Variants in FGF12 observed in about 807,000 individuals in gnomAD.
FGF12 encodes the protein fibroblast growth factor 12.
FGF12 carries 14 observed loss-of-function variants against 23.6 expected under a neutral mutation model. The ratio of observed to expected loss-of-function variants is 0.59; its 90% CI spans 0.39 to 0.93. The LOEUF (loss-of-function observed/expected upper bound fraction) is 0.93, where lower values mean the gene tolerates loss of function less well. Ranked by LOEUF, FGF12 falls within the 40% of genes least tolerant of loss-of-function variation. The pLI is 0.00. For missense variants in FGF12, 175 were observed against 217.8 expected (o/e 0.80, Z 1.24); for synonymous variants, 62 against 77.3 (o/e 0.80, Z 1.04).
intron 2 of FGF12, among the ~76,000 whole-genome samples, chr3:192,509,601 T>C (rs1224020011): frequency 1.3e-5 from 2 of 152,184 alleles, no homozygotes; most frequent in East Asian, 3.9e-4. Flanking sequence ...GAAAGAATAA[T>C]CTCAAAGTTC....
chr3:192,320,961 G>C (rs532729411), intron 4 of FGF12, among the ~76,000 whole-genome samples: 1 of 151,980 alleles, frequency 6.6e-6, no homozygotes, highest in East Asian at 1.9e-4. Flanking sequence ...ATAAAGACCA[G>C]AGCAGTAGTA....
intron 4 of FGF12, among the ~76,000 whole-genome samples, chr3:192,172,160 A>ATTTTTTCCTAGGACTAATAAAGTATTTTT (rs1432968717): frequency 1.3e-5 from 2 of 151,552 alleles, no homozygotes; most frequent in Admixed American, 6.6e-5. Context: ...AGGTTGAGGT[A>ATTTTTTCCTAGGACTAATAAAGTATTTTT]AGCAGATCAT....
chr3:192,320,936 A>G lies in FGF12; in HGVS notation c.228+14425T>C, dbSNP rs563917245. On this transcript the variant is annotated intron_variant, in intron 4 of 5. Transcript: ENST00000445105. ...AGAGCAAATCAAACCCAAAATTAGG[A>G]GAAGAAAATAAATAATAAAGACCAG... Among the ~76,000 whole-genome samples, 19 of 152,180 alleles carry G rather than the reference A, an allele frequency of 1.2e-4. No homozygotes were observed. In the East Asian group the frequency reaches 3.3e-3, roughly 26 times the overall value.
At chr3:192,149,315 C>CTT (rs143433495) in intron 5 of FGF12, among the ~76,000 whole-genome samples, 45,848 of 151,358 alleles carry the variant, frequency 0.3, 7,473 homozygotes, top group South Asian at 0.43. Context: ...GCATTTGAAC[C>CTT]TTTTTTTTAT....
chr3:192,653,631 A>G (rs1289477485), intron 2 of FGF12, among the ~76,000 whole-genome samples: 4 of 152,184 alleles, frequency 2.6e-5, no homozygotes, highest in Non-Finnish European at 4.4e-5. Context: ...TGAAGCAAAT[A>G]ATTTCTAATT....
intron 2 of FGF12, among the ~76,000 whole-genome samples, chr3:192,606,650 T>A (rs544891171): frequency 6.6e-6 from 1 of 152,278 alleles, no homozygotes; most frequent in South Asian, 2.1e-4. Flanking sequence ...TCACAGAGAA[T>A]CTTGTAACAT....
intron 2 of FGF12, among the ~76,000 whole-genome samples, chr3:192,590,035 T>A (rs2108621387): frequency 6.6e-6 from 1 of 151,934 alleles, no homozygotes; most frequent in African/African-American, 2.4e-5. Context: ...AGATTTTTTT[T>A]AATTGCTCAA....
At chr3:192,330,222 C>A (rs1717036420) in intron 4 of FGF12, among the ~76,000 whole-genome samples, 1 of 152,118 alleles carries the variant, frequency 6.6e-6, no homozygotes, top group Non-Finnish European at 1.5e-5. Flanking sequence ...ATAGAAAACT[C>A]CATTCCAAAA....
At chr3:192,577,054 G>A (rs754551915) in intron 2 of FGF12, among the ~76,000 whole-genome samples, 21 of 152,204 alleles carry the variant, frequency 1.4e-4, no homozygotes, top group East Asian at 7.7e-4. Flanking sequence ...AGGGCCTGTC[G>A]GCGGGTGGGG....
rs1224600983 is a variant in FGF12, at chr3:192,345,838, A to T, written c.125-10374T>A. 2.0e-5 allele frequency among the ~76,000 whole-genome samples: 3 copies of T among 152,176 alleles called. No homozygotes were observed. In the South Asian group the frequency reaches 6.2e-4, roughly 31 times the overall value. ...AGTAGAACCATCCTGCTCAAAAGGT[A>T]AAAAATCTTTAGTTTTTCTTAGATA... On this transcript the variant is annotated intron_variant, in intron 3 of 5. Transcript: ENST00000445105.
At chr3:192,629,250 C>T (rs1715297160) in intron 2 of FGF12, among the ~76,000 whole-genome samples, 1 of 152,134 alleles carries the variant, frequency 6.6e-6, no homozygotes, top group Non-Finnish European at 1.5e-5. Flanking sequence ...CCAAAAGTAA[C>T]CCACTGAACA....
At chr3:192,379,078 GACACGATTTAAATT>G (rs1198575819) in intron 2 of FGF12, among the ~76,000 whole-genome samples, 1 of 152,114 alleles carries the variant, frequency 6.6e-6, no homozygotes, top group Non-Finnish European at 1.5e-5. Context: ...TCCTGCTAAA[GACACGATTTAAATT>G]TTTTCTGGCT....
At chr3:192,364,571 T>A (rs1718886198) in intron 2 of FGF12, among the ~76,000 whole-genome samples, 1 of 152,124 alleles carries the variant, frequency 6.6e-6, no homozygotes, top group Non-Finnish European at 1.5e-5. Flanking sequence ...TAAGTGGAAG[T>A]GATGTGTGCC....
chr3:192,290,030 C>A (rs1714671688), intron 4 of FGF12, among the ~76,000 whole-genome samples: 1 of 152,102 alleles, frequency 6.6e-6, no homozygotes, highest in Non-Finnish European at 1.5e-5. Flanking sequence ...TTAGACCCAA[C>A]TAATATCTCC....
chr3:192,301,885 C>T (rs1165636353), intron 4 of FGF12, among the ~76,000 whole-genome samples: 1 of 152,074 alleles, frequency 6.6e-6, no homozygotes, highest in Non-Finnish European at 1.5e-5. Context: ...CTTTCGCCAT[C>T]TAATCCTTTG....
chr3:192,154,842 C>A (rs1291648787), intron 5 of FGF12, among the ~76,000 whole-genome samples: 1 of 145,246 alleles, frequency 6.9e-6, no homozygotes, highest in Non-Finnish European at 1.5e-5. Flanking sequence ...TGGGCTCCAC[C>A]CAGTTCGAGC....
chr3:192,358,444 G>T (rs1718572525), intron 3 of FGF12, among the ~76,000 whole-genome samples: 1 of 147,718 alleles, frequency 6.8e-6, no homozygotes, highest in Admixed American at 6.8e-5. Flanking sequence ...ATTTTTAAAA[G>T]TACTTATTTG....
At chr3:192,362,043 G>A (rs6784434) in intron 2 of FGF12, among the ~76,000 whole-genome samples, 49,252 of 152,064 alleles carry the variant, frequency 0.32, 9,998 homozygotes, top group East Asian at 0.61. Context: ...TGGAAGTTAA[G>A]CTGAATGGTT....
chr3:192,554,357 C>A (rs1240112146), intron 2 of FGF12, among the ~76,000 whole-genome samples: 1 of 152,014 alleles, frequency 6.6e-6, no homozygotes, highest in African/African-American at 2.4e-5. Context: ...TTACTAGAAG[C>A]CACTGAGAGC....
Sources: gnomAD v4.1 joint callset for allele counts (sites outside exome capture counted in the v4.1 genomes callset) on GRCh38, gnomAD v4.1.1 for gene constraint, MANE v1.5 for transcripts, NCBI Gene and HGNC (gene_info 2026-07-23, HGNC 2026-07-21) for gene names.